The following EDIL3 variants were observed in gnomAD, a reference collection of about 807,000 sequenced individuals.
EDIL3 encodes EGF-like repeat and discoidin I-like domain-containing protein 3.
EDIL3 carries 37 observed loss-of-function variants against 67.4 expected under a neutral mutation model. The observed-to-expected ratio is 0.55, with a 90% CI of 0.42 to 0.72. The LOEUF (loss-of-function observed/expected upper bound fraction) is 0.72. EDIL3 is among the 30% of genes least tolerant of loss of function. EDIL3 has a pLI of 0.00. For missense variants in EDIL3, 527 were observed against 586.3 expected (o/e 0.90, Z 1.04); for synonymous variants, 195 against 196.3 (o/e 0.99, Z 0.05).
intron 4 of EDIL3, among the ~76,000 whole-genome samples, chr5:84,155,606 A>G (rs564088152): frequency 3.5e-4 from 53 of 152,178 alleles, no homozygotes; most frequent in Non-Finnish European, 6.2e-4. Context: ...CGTTAAGCAT[A>G]TATCTTCTAT....
intron 9 of EDIL3, among the ~76,000 whole-genome samples, chr5:84,006,886 T>A (rs971687942): frequency 8.6e-5 from 13 of 151,968 alleles, no homozygotes; most frequent in Admixed American, 7.2e-4. Flanking sequence ...AAAAAAAGAA[T>A]TATACTACAG....
At chr5:84,342,960 A>G (rs1198673897) in intron 1 of EDIL3, among the ~76,000 whole-genome samples, 2 of 152,100 alleles carry the variant, frequency 1.3e-5, no homozygotes, top group African/African-American at 4.8e-5. Context: ...TCTAACTTTC[A>G]GAGCCGAAAG....
chr5:84,369,849 A>T (rs1307447378), intron 1 of EDIL3, among the ~76,000 whole-genome samples: 1 of 152,168 alleles, frequency 6.6e-6, no homozygotes, highest in Non-Finnish European at 1.5e-5. Flanking sequence ...ACTTAAAGAT[A>T]CTTATTTAGC....
chr5:84,192,428 T>C (rs1743610490), intron 3 of EDIL3, among the ~76,000 whole-genome samples: 1 of 152,014 alleles, frequency 6.6e-6, no homozygotes, highest in South Asian at 2.1e-4. Flanking sequence ...TAAAGATCAT[T>C]TGCATTCCTA....
At chr5:84,185,755 G>C (rs988191081) in intron 3 of EDIL3, among the ~76,000 whole-genome samples, 4 of 152,066 alleles carry the variant, frequency 2.6e-5, no homozygotes, top group African/African-American at 9.7e-5. Context: ...TATGGTTTAA[G>C]CTTCAAATGT....
At chr5:84,099,353 T>A (rs1747320296) in intron 6 of EDIL3, among the ~76,000 whole-genome samples, 1 of 152,026 alleles carries the variant, frequency 6.6e-6, no homozygotes, top group South Asian at 2.1e-4. Context: ...CAAACTATAC[T>A]ACAAGGCTAC....
chr5:84,255,711 G>T (rs1745110911), intron 1 of EDIL3, among the ~76,000 whole-genome samples: 2 of 152,050 alleles, frequency 1.3e-5, no homozygotes, highest in South Asian at 4.1e-4. Context: ...GAAAATTCAG[G>T]TTATGATTTC....
At chr5:84,228,166 C>T (rs997773418) in intron 3 of EDIL3, among the ~76,000 whole-genome samples, 1 of 151,866 alleles carries the variant, frequency 6.6e-6, no homozygotes, top group African/African-American at 2.4e-5. Context: ...ACAACACAGG[C>T]CTGGAGTTTT....
chr5:84,131,944 A>T (rs920125863), intron 5 of EDIL3, among the ~76,000 whole-genome samples: 11 of 151,966 alleles, frequency 7.2e-5, no homozygotes, highest in African/African-American at 1.9e-4. Flanking sequence ...AAAAGAAAGA[A>T]TATAGGGGCT....
intron 5 of EDIL3, among the ~76,000 whole-genome samples, chr5:84,133,464 C>CAAAAAAAAAAAAAAAA (rs5869210): frequency 3.5e-5 from 3 of 86,524 alleles, no homozygotes; most frequent in African/African-American, 4.4e-5. Context: ...ACTAAAAATA[C>CAAAAAAAAAAAAAAAA]AAAAAAAAAA....
At chr5:84,021,039 C>T (rs1483302738) in intron 9 of EDIL3, among the ~76,000 whole-genome samples, 4 of 152,034 alleles carry the variant, frequency 2.6e-5, no homozygotes, top group Middle Eastern at 3.4e-3. Flanking sequence ...AATGTCCAAT[C>T]GAAAAGAAAT....
In EDIL3 at chr5:83,943,418, C is replaced by T. The variant is rs1435167164; in HGVS notation, c.*1G>A. 1 of 1,612,406 alleles carries T rather than the reference C, an allele frequency of 6.2e-7. No individual in the cohort carries two copies. The highest frequency in any genetic ancestry group is 8.5e-7 in the Non-Finnish European group (1 of 1,179,032). Reference sequence around the variant, plus strand: ...AGAGGGTTGTGAAATGTAGCCTCCCCTCATTCCTCCTCTGTGCAGCCCAGC... The same window carrying T: ...AGAGGGTTGTGAAATGTAGCCTCCCTTCATTCCTCCTCTGTGCAGCCCAGC... On this transcript the variant is annotated 3_prime_UTR_variant, in exon 11 of 11. Transcript: ENST00000296591.
intron 1 of EDIL3, among the ~76,000 whole-genome samples, chr5:84,282,592 G>A (rs1040764773): frequency 1.3e-5 from 2 of 152,020 alleles, no homozygotes; most frequent in African/African-American, 4.8e-5. Flanking sequence ...TGTACCCTGT[G>A]CAAAAATTTA....
intron 9 of EDIL3, among the ~76,000 whole-genome samples, chr5:83,987,869 GTA>G (rs34360330): frequency 0.35 from 48,844 of 138,278 alleles, 8,890 homozygotes; most frequent in East Asian, 0.61. Context: ...GTGTGTGTAT[GTA>G]TATATATATA....
intron 10 of EDIL3, among the ~76,000 whole-genome samples, chr5:83,959,667 A>G (rs982793573): frequency 4.6e-5 from 7 of 150,920 alleles, no homozygotes; most frequent in Non-Finnish European, 1.0e-4. Context: ...ATCATGGAAA[A>G]CAAGACAAAA....
chr5:84,009,053 C>T (rs1310203004), intron 9 of EDIL3, among the ~76,000 whole-genome samples: 1 of 152,156 alleles, frequency 6.6e-6, no homozygotes, highest in Non-Finnish European at 1.5e-5. Context: ...TTCCAGTGAT[C>T]TGCCTGCCTC....
At chr5:84,108,424 T>G (rs3797658) in intron 5 of EDIL3, among the ~76,000 whole-genome samples, 35,228 of 151,976 alleles carry the variant, frequency 0.23, 4,311 homozygotes, top group Middle Eastern at 0.31. Context: ...AATAAGATCT[T>G]TTTTTAACAT....
intron 6 of EDIL3, among the ~76,000 whole-genome samples, chr5:84,090,044 G>C (rs1460938241): frequency 6.6e-6 from 1 of 152,098 alleles, no homozygotes; most frequent in Non-Finnish European, 1.5e-5. Flanking sequence ...GGTCTTATGA[G>C]GTTGTGAATA....
intron 4 of EDIL3, among the ~76,000 whole-genome samples, chr5:84,153,539 C>G (rs1580351705): frequency 6.6e-6 from 1 of 151,494 alleles, no homozygotes; most frequent in South Asian, 2.1e-4. Flanking sequence ...AGGCTGGTCT[C>G]GAACTCCTGA....
Sources: gnomAD v4.1 joint callset for allele counts (sites outside exome capture counted in the v4.1 genomes callset) on GRCh38, gnomAD v4.1.1 for gene constraint, MANE v1.5 for transcripts, NCBI Gene and HGNC (gene_info 2026-07-23, HGNC 2026-07-21) for gene names.